ATF7IP2: variants seen among roughly 807,000 people sequenced by gnomAD.
ATF7IP2 encodes activating transcription factor 7 interacting protein 2, also known as activating transcription factor 7-interacting protein 2.
Under a neutral mutation model 64.2 loss-of-function variants are expected in ATF7IP2, and 42 were observed. The observed-to-expected ratio is 0.65, with a 90% confidence interval of 0.51 to 0.85. The LOEUF is 0.85. Ranked by LOEUF, ATF7IP2 falls within the 40% of genes least tolerant of loss-of-function variation. ATF7IP2 has a pLI of 0.00. For synonymous variants in ATF7IP2, 308 were observed against 272.8 expected (o/e 1.13, Z -1.27); for missense variants, 933 against 784.2 (o/e 1.19, Z -2.27).
At chr16:10,445,304 T>A (rs1490284553) in intron 8 of ATF7IP2, 1 of 152,126 alleles carries the variant, frequency 6.6e-6, no homozygotes, top group Non-Finnish European at 1.5e-5. Flanking sequence ...TAATTTTTCT[T>A]TTTTCAGTGG....
chr16:10,457,741 T>C (rs79159234), intron 9 of ATF7IP2: 424 of 367,124 alleles, frequency 1.2e-3, no homozygotes, highest in African/African-American at 8.5e-3. Flanking sequence ...GGGTCTCACT[T>C]TGTTGTCCAG....
At chr16:10,412,815 C>A (rs1473098728) in intron 1 of ATF7IP2, among the ~76,000 whole-genome samples, 1 of 152,006 alleles carries the variant, frequency 6.6e-6, no homozygotes, top group Non-Finnish European at 1.5e-5. Flanking sequence ...TATCTCATTT[C>A]TTAAGTTTTA....
chr16:10,466,897 C>T lies in ATF7IP2; in HGVS notation c.1353-5213C>T, dbSNP rs1212864889. Among the ~76,000 whole-genome samples the T allele has an allele frequency of 2.7e-5, 4 of 150,820 alleles. No homozygotes were observed. In the South Asian group the frequency reaches 8.4e-4, roughly 31 times the overall value. On this transcript the variant is annotated intron_variant, in intron 9 of 13. Coordinates refer to ENST00000562102, the MANE Select transcript of ATF7IP2 (RefSeq NM_001393719.1). ...TATTAATCATGGTTGTTTTAATGCT[C>T]TTGTTTTAACTCAAGTGTTTGGATC...
At chr16:10,477,750 C>T (rs1167834988) in intron 12 of ATF7IP2, among the ~76,000 whole-genome samples, 1 of 152,070 alleles carries the variant, frequency 6.6e-6, no homozygotes, top group East Asian at 1.9e-4. Context: ...CTAGAAAACC[C>T]CATTGTCTCA....
At chr16:10,449,299 G>C (rs1452014041) in intron 8 of ATF7IP2, 1 of 152,162 alleles carries the variant, frequency 6.6e-6, no homozygotes. Flanking sequence ...TGAGGTTTTG[G>C]TATCAGGATG....
chr16:10,477,799 G>C (rs546524529), intron 12 of ATF7IP2, among the ~76,000 whole-genome samples: 1 of 152,320 alleles, frequency 6.6e-6, no homozygotes, highest in African/African-American at 2.4e-5. Context: ...GGCAACTTCA[G>C]CAAAGTCTCA....
intron 1 of ATF7IP2, among the ~76,000 whole-genome samples, chr16:10,388,364 T>G (rs1411916850): frequency 6.6e-6 from 1 of 152,240 alleles, no homozygotes; most frequent in African/African-American, 2.4e-5. Context: ...TTTTTTGAAC[T>G]TCTGATTAAG....
intron 9 of ATF7IP2, among the ~76,000 whole-genome samples, chr16:10,471,136 G>A (rs1041303873): frequency 1.3e-5 from 2 of 152,116 alleles, no homozygotes; most frequent in African/African-American, 4.8e-5. Flanking sequence ...AGGGAAAAGT[G>A]AACCTCAGCT....
chr16:10,461,224 G>A (rs2049364319), intron 9 of ATF7IP2, among the ~76,000 whole-genome samples: 1 of 152,072 alleles, frequency 6.6e-6, no homozygotes, highest in African/African-American at 2.4e-5. Context: ...AATAAAGGGA[G>A]TAGTATTTAA....
intron 1 of ATF7IP2, among the ~76,000 whole-genome samples, chr16:10,394,958 T>A (rs962189258): frequency 6.6e-6 from 1 of 152,018 alleles, no homozygotes; most frequent in African/African-American, 2.4e-5. Context: ...AAACTGAGCC[T>A]GAAGTCAGCA....
chr16:10,400,895 G>A (rs1165246039), intron 1 of ATF7IP2, among the ~76,000 whole-genome samples: 2 of 152,078 alleles, frequency 1.3e-5, no homozygotes, highest in African/African-American at 2.4e-5. Context: ...TTGTGGCCAG[G>A]CTGGTCTCGA....
intron 6 of ATF7IP2, among the ~76,000 whole-genome samples, chr16:10,436,851 T>G (rs558333675): frequency 6.6e-6 from 1 of 152,284 alleles, no homozygotes; most frequent in East Asian, 1.9e-4. Context: ...GCTGCTCATA[T>G]CAGTGGGCAT....
intron 1 of ATF7IP2, among the ~76,000 whole-genome samples, chr16:10,404,341 C>T (rs529713606): frequency 1.3e-5 from 2 of 152,322 alleles, no homozygotes; most frequent in South Asian, 2.1e-4. Context: ...CACCTTCCGC[C>T]TCCCAGGTTC....
At chr16:10,446,617 G>A (rs1016168069) in intron 8 of ATF7IP2, 5 of 152,156 alleles carry the variant, frequency 3.3e-5, no homozygotes, top group African/African-American at 1.2e-4. Context: ...GAGGGTTCGA[G>A]GATTGGTTCC....
chr16:10,419,139 C>G (rs1400639319), intron 2 of ATF7IP2, among the ~76,000 whole-genome samples: 4 of 152,046 alleles, frequency 2.6e-5, no homozygotes, highest in Non-Finnish European at 5.9e-5. Context: ...CAGTATGCCT[C>G]AATTATAGGA....
At chr16:10,459,741 A>G (rs1012424987) in intron 9 of ATF7IP2, among the ~76,000 whole-genome samples, 13 of 152,200 alleles carry the variant, frequency 8.5e-5, no homozygotes, top group Admixed American at 8.5e-4. Context: ...TAAAATACCC[A>G]TTTATGATTA....
rs530378087 is a variant in ATF7IP2, at chr16:10,402,715, C to T, written c.-241-11859C>T. Reference sequence around the variant, plus strand: ...CTGAGCTCAAGTGATCCTCCCACCTCAGCCTCCCAAAGTGTTGGGATTACA... The same window carrying T: ...CTGAGCTCAAGTGATCCTCCCACCTTAGCCTCCCAAAGTGTTGGGATTACA... On this transcript the variant is annotated intron_variant, in intron 1 of 13. Coordinates refer to ENST00000562102, the MANE Select transcript of ATF7IP2 (RefSeq NM_001393719.1). Among the ~76,000 whole-genome samples, 3 of 152,208 alleles carry T rather than the reference C, an allele frequency of 2.0e-5. No individual in the cohort carries two copies. In the East Asian group the frequency reaches 5.8e-4, roughly 29 times the overall value.
chr16:10,454,810 A>C (rs1236721207), intron 8 of ATF7IP2, among the ~76,000 whole-genome samples: 3 of 152,202 alleles, frequency 2.0e-5, no homozygotes, highest in Admixed American at 6.5e-5. Flanking sequence ...AATGATTTAT[A>C]ATGTTCCTTG....
At chr16:10,481,432 G>A (rs956492789) in intron 13 of ATF7IP2, among the ~76,000 whole-genome samples, 1 of 151,228 alleles carries the variant, frequency 6.6e-6, no homozygotes, top group Non-Finnish European at 1.5e-5. Flanking sequence ...TTACAGGCAC[G>A]CACCACCACG....
Sources: allele counts gnomAD v4.1 joint callset (sites outside exome capture counted in the v4.1 genomes callset), GRCh38; gene constraint gnomAD v4.1.1; transcripts MANE v1.5; gene names NCBI Gene and HGNC (gene_info 2026-07-23, HGNC 2026-07-21).